The following NOS1 variants were observed in gnomAD, a reference collection of about 807,000 sequenced individuals.
The protein encoded by NOS1 is NOS type I.
Under a neutral mutation model 164.5 loss-of-function variants are expected in NOS1, and 51 were observed. The observed-to-expected ratio is 0.31, with a 90% CI of 0.25 to 0.39. The LOEUF (loss-of-function observed/expected upper bound fraction) is 0.39. Among genes scored for constraint, NOS1 ranks in the 10% least tolerant of loss-of-function variants. The pLI, the probability that NOS1 is intolerant of heterozygous loss-of-function variation, is 1.00. For synonymous variants in NOS1, 719 were observed against 745.8 expected (o/e 0.96, Z 0.59); for missense variants, 1,362 against 1,885.6 (o/e 0.72, Z 5.14).
chr12:117,214,197 T>A lies in NOS1; in HGVS notation c.*1112A>T. On this transcript the variant is annotated 3_prime_UTR_variant, in exon 29 of 29. Transcript: ENST00000317775. ...AAGCAGCAAGCCCGCTTTGGGGGAA[T>A]AAAAAAATAATAATCATATTGTTAC... 1 of 985,302 alleles carries A rather than the reference T, an allele frequency of 1.0e-6. No individual in the cohort carries two copies. The highest frequency in any genetic ancestry group is 1.2e-6 in the Non-Finnish European group (1 of 829,880). 61.0% of individuals were successfully genotyped at this position (985,302 alleles called of 1,614,324 possible). A position where few individuals can be genotyped will look rare whatever the true frequency, so the allele number is the denominator to read the frequency against.
rs1872840078 is a variant in NOS1 at position 117,272,222 on chromosome 12, A to G, written c.1839+163T>C. Among the ~76,000 whole-genome samples the G allele has an allele frequency of 6.6e-6, 1 of 152,146 alleles. No homozygotes were observed. The highest frequency in any genetic ancestry group is 6.5e-5 in the Admixed American group (1 of 15,276). On this transcript the variant is annotated intron_variant, in intron 10 of 28. Coordinates refer to ENST00000317775, the MANE Select transcript of NOS1 (RefSeq NM_000620.5). The surrounding 1 kb of genome is among the most constrained non-coding windows in gnomAD (Gnocchi z 4.3). ...GCTGTTATTTTCATTGTTGTTAAAG[A>G]CATGGATGCCCCTGGCATTTCCAGG...
chr12:117,267,092 A>G (rs919486193), intron 11 of NOS1, among the ~76,000 whole-genome samples: 2 of 152,068 alleles, frequency 1.3e-5, no homozygotes, highest in African/African-American at 4.8e-5. Context: ...TTGATTTAAC[A>G]CATTCATTCT....
In NOS1 at chr12:117,234,552, C is replaced by T; in HGVS notation, c.3235+13G>A. ...AGCTCCCTAGAGCAGGGAAGGGTCC[C>T]CGGGAATGTTACCTAAAGCCGTGTT... On this transcript the variant is annotated intron_variant, in intron 21 of 28. Coordinates refer to ENST00000317775, the MANE Select transcript of NOS1 (RefSeq NM_000620.5). This position sits in a 1 kb window ranked among gnomAD's most constrained non-coding sequence, Gnocchi z 4.3. The T allele has an allele frequency of 1.2e-6, 2 of 1,607,760 alleles. No homozygotes were observed. Among genetic ancestry groups the T allele is most frequent in the South Asian group, 1.1e-5 (1 of 90,584 alleles).
intron 20 of NOS1, among the ~76,000 whole-genome samples, chr12:117,236,853 G>C (rs1205980067): frequency 6.6e-6 from 1 of 152,198 alleles, no homozygotes; most frequent in Admixed American, 6.5e-5. Context: ...CCTCTTGAAC[G>C]AGGCAGAGGG....
At chr12:117,302,487 G>A (rs975689046) in intron 3 of NOS1, among the ~76,000 whole-genome samples, 8 of 151,810 alleles carry the variant, frequency 5.3e-5, no homozygotes, top group Middle Eastern at 3.4e-3. Context: ...CCAGCTACGC[G>A]GGAGGCTGAG....
rs267603326 is a variant in NOS1, at chr12:117,263,975, C to T, written c.2137-1G>A. ...AGACATGCGTGTTCCAGGGATCAGG[C>T]TGGGAAGAGAAGGAGAGGGCTATGG... is the stretch of plus-strand genomic sequence containing the variant. On this transcript the variant is annotated splice_acceptor_variant, in intron 12 of 28. Transcript: ENST00000317775. LOFTEE classifies it high-confidence loss of function. 6.2e-7 allele frequency: 1 copy of T among 1,613,422 alleles called. No homozygotes were observed. The highest frequency in any genetic ancestry group is 8.5e-7 in the Non-Finnish European group (1 of 1,179,602).
chr12:117,317,722 C>T (rs1874730058), intron 2 of NOS1, among the ~76,000 whole-genome samples: 1 of 152,076 alleles, frequency 6.6e-6, no homozygotes, highest in Admixed American at 6.6e-5. Flanking sequence ...AAATGGCCCT[C>T]ACCCACCCCT....
rs112450005 is a variant in NOS1 at position 117,340,566 on chromosome 12, G to A, written c.-420-9077C>T. Among the ~76,000 whole-genome samples the A allele has an allele frequency of 9.2e-3, 1,398 of 152,242 alleles. 19 individuals carry two copies. The highest frequency in any genetic ancestry group is 0.032 in the African/African-American group (1,315 of 41,538). On this transcript the variant is annotated intron_variant, in intron 1 of 28. Coordinates refer to ENST00000317775, the MANE Select transcript of NOS1 (RefSeq NM_000620.5). ...TTATTTTGAGACGGAGTCTCACTCT[G>A]TCACCCAGGCTGGAGTGTGGTGGCG...
chr12:117,343,345 CTG>C (rs1876204939), intron 1 of NOS1, among the ~76,000 whole-genome samples: 1 of 152,138 alleles, frequency 6.6e-6, no homozygotes. Flanking sequence ...TTTCATAGAA[CTG>C]TCTTTCATGA....
chr12:117,263,839 T>C, intron 13 of NOS1, 50 bp downstream of exon 13: 1 of 1,406,772 alleles, frequency 7.1e-7, no homozygotes, highest in Non-Finnish European at 1.0e-6. Flanking sequence ...CTCTGGGTTC[T>C]CTGAGTTTGT....
At chr12:117,341,272 G>A (rs573912999) in intron 1 of NOS1, among the ~76,000 whole-genome samples, 21 of 152,142 alleles carry the variant, frequency 1.4e-4, no homozygotes, top group Admixed American at 6.5e-4. Flanking sequence ...GCTCCTTTTC[G>A]GAATGCTGCA....
intron 4 of NOS1, among the ~76,000 whole-genome samples, 186 bp from the exon 5 acceptor site, chr12:117,288,405 T>C (rs1872847836): frequency 6.6e-6 from 1 of 152,142 alleles, no homozygotes; most frequent in Non-Finnish European, 1.5e-5. Flanking sequence ...GAACAATAAG[T>C]AGCATTTTAA....
At chr12:117,282,254 T>A (rs1240041746) in intron 7 of NOS1, among the ~76,000 whole-genome samples, 1 of 151,348 alleles carries the variant, frequency 6.6e-6, no homozygotes, top group African/African-American at 2.4e-5. Flanking sequence ...TTTTTCACGA[T>A]GTAGTTCAAT....
chr12:117,343,532 T>C (rs1015290589), intron 1 of NOS1, among the ~76,000 whole-genome samples: 6 of 152,238 alleles, frequency 3.9e-5, no homozygotes, highest in African/African-American at 1.4e-4. Context: ...ATTTTGACTC[T>C]CAATTTCCTT....
At chr12:117,219,202 C>T (rs576514795) in intron 27 of NOS1, among the ~76,000 whole-genome samples, 5 of 152,162 alleles carry the variant, frequency 3.3e-5, no homozygotes, top group African/African-American at 7.2e-5. Context: ...AGGATGGTCT[C>T]GATCTCTTGA....
chr12:117,340,193 G>A (rs951469505), intron 1 of NOS1, among the ~76,000 whole-genome samples: 3 of 151,822 alleles, frequency 2.0e-5, no homozygotes, highest in South Asian at 4.2e-4. Flanking sequence ...TTGTAGAAAC[G>A]GTGTCTCACT....
chr12:117,306,350 A>G (rs940553699), intron 3 of NOS1, among the ~76,000 whole-genome samples: 3 of 152,084 alleles, frequency 2.0e-5, no homozygotes, highest in African/African-American at 7.2e-5. Flanking sequence ...AGCTCTCCAT[A>G]TATCTTCCTG....
chr12:117,311,299 C>A (rs967781993), intron 3 of NOS1, among the ~76,000 whole-genome samples, 167 bp downstream of exon 3: 1 of 152,160 alleles, frequency 6.6e-6, no homozygotes, highest in African/African-American at 2.4e-5. Flanking sequence ...GATCCACATC[C>A]GAGGATAAGC....
chr12:117,338,505 C>T (rs542584083), intron 1 of NOS1, among the ~76,000 whole-genome samples: 26 of 150,956 alleles, frequency 1.7e-4, no homozygotes, highest in African/African-American at 5.6e-4. Context: ...GGAGATATAC[C>T]TAATGCTAAA....
Sources: gnomAD v4.1 joint callset for allele counts (sites outside exome capture counted in the v4.1 genomes callset) on GRCh38, gnomAD v4.1.1 for gene constraint, Gnocchi (gnomAD v3.1) non-coding constraint, MANE v1.5 for transcripts, NCBI Gene and HGNC (gene_info 2026-07-23, HGNC 2026-07-21) for gene names.